FNTB: variants seen among roughly 807,000 people sequenced by gnomAD.
FNTB encodes the protein protein farnesyltransferase subunit beta.
A neutral mutation model predicts 59.4 loss-of-function variants in FNTB; 27 were observed. The ratio of observed to expected loss-of-function variants is 0.45; its 90% confidence interval spans 0.34 to 0.63. The LOEUF (loss-of-function observed/expected upper bound fraction) is 0.63. Ranked by LOEUF, FNTB falls within the 20% of genes least tolerant of loss-of-function variation. FNTB has a pLI of 0.02. For missense variants in FNTB, 449 were observed against 559.6 expected (o/e 0.80, Z 1.99); for synonymous variants, 230 against 220.7 (o/e 1.04, Z -0.37).
rs1007859957 is a variant in FNTB, at chr14:65,031,596, A to G, written c.606-1014A>G. On this transcript the variant is annotated intron_variant, in intron 6 of 11. Coordinates refer to ENST00000246166, the MANE Select transcript of FNTB (RefSeq NM_002028.4). This position sits in a 1 kb window ranked among gnomAD's most constrained non-coding sequence, Gnocchi z 4.6. ...CTCCCAAAGTGCTGGGATTACAGGC[A>G]TGAGCAACTGTGCCCAGCCTAATAA... 1.1e-4 allele frequency among the ~76,000 whole-genome samples: 17 copies of G among 151,834 alleles called. No individual in the cohort carries two copies. The highest frequency in any genetic ancestry group is 8.5e-4 in the Admixed American group (13 of 15,250).
rs1248546434 is a variant in FNTB, at chr14:65,054,490, C to A, written c.1068-85C>A. ...GGATGGGGGGGGACGTGTGATTGCA[C>A]CAGTGGTCTCTGAATTGGTGTGGCT... On this transcript the variant is annotated intron_variant, in intron 10 of 11. Coordinates refer to ENST00000246166, the MANE Select transcript of FNTB (RefSeq NM_002028.4). This position sits in a 1 kb window ranked among gnomAD's most constrained non-coding sequence, Gnocchi z 4.4. 3 of 1,356,466 alleles carry A rather than the reference C, an allele frequency of 2.2e-6. No individual in the cohort carries two copies. The highest frequency in any genetic ancestry group is 3.1e-6 in the Non-Finnish European group (3 of 978,948). The allele number at this position is 1,356,466 out of a possible 1,614,324, so 84.0% of individuals were successfully genotyped here.
At position 65,032,758 on chromosome 14, in the gene FNTB, GA is replaced by G. The variant is rs2139592606; in HGVS notation, c.692+67del. ...AGCAGGCGGTCACGACACTACTTCAGAAAAATAAAGAAAATGCAGAGGGACT... is the reference window on the plus strand; with the variant it reads ...AGCAGGCGGTCACGACACTACTTCAGAAAATAAAGAAAATGCAGAGGGACT... On this transcript the variant is annotated intron_variant, in intron 7 of 11. Coordinates refer to ENST00000246166, the MANE Select transcript of FNTB (RefSeq NM_002028.4). The surrounding 1 kb of genome is among the most constrained non-coding windows in gnomAD (Gnocchi z 5.0). 6 of 1,489,464 alleles carry G rather than the reference GA, an allele frequency of 4.0e-6. No homozygotes were observed. The highest frequency in any genetic ancestry group is 5.5e-6 in the Non-Finnish European group (6 of 1,100,414). The allele number at this position is 1,489,464 out of a possible 1,614,324, so 92.3% of individuals were successfully genotyped here.
At chr14:65,045,658 C>T (rs1372198548) in intron 9 of FNTB, among the ~76,000 whole-genome samples, 7 of 152,026 alleles carry the variant, frequency 4.6e-5, no homozygotes, top group South Asian at 2.1e-4. Context: ...TCAGGTGATC[C>T]GCCCACTTCG....
intron 3 of FNTB, among the ~76,000 whole-genome samples, chr14:65,015,171 C>T (rs1266172588): frequency 1.3e-5 from 2 of 151,138 alleles, no homozygotes; most frequent in African/African-American, 2.4e-5. Flanking sequence ...GGTGCCATCT[C>T]GGCTCACTGC....
In FNTB at chr14:64,997,168, T is replaced by C. The variant is rs779405038; in HGVS notation, c.145-7081T>C. ...TCTGCTAAGATGTAGGTGTAAAGGATAACCAGCGATTATTCCGGAGGTCAC... is the reference window on the plus strand; with the variant it reads ...TCTGCTAAGATGTAGGTGTAAAGGACAACCAGCGATTATTCCGGAGGTCAC... On this transcript the variant is annotated intron_variant, in intron 1 of 11. Coordinates refer to ENST00000246166, the MANE Select transcript of FNTB (RefSeq NM_002028.4). This position sits in a 1 kb window ranked among gnomAD's most constrained non-coding sequence, Gnocchi z 4.5. 3.9e-5 allele frequency among the ~76,000 whole-genome samples: 6 copies of C among 152,318 alleles called. No individual in the cohort carries two copies. The East Asian group carries it at 1.2e-3, about 29-fold the overall frequency.
intron 7 of FNTB, among the ~76,000 whole-genome samples, chr14:65,033,508 G>A (rs1448291383): frequency 6.6e-6 from 1 of 152,172 alleles, no homozygotes; most frequent in African/African-American, 2.4e-5. Context: ...TTAGATACGT[G>A]TATGTTCTAT....
intron 2 of FNTB, among the ~76,000 whole-genome samples, chr14:65,004,693 G>T (rs147575704): frequency 6.6e-6 from 1 of 151,048 alleles, no homozygotes; most frequent in Admixed American, 6.6e-5. Flanking sequence ...ACAGCGTTTC[G>T]CTCTTGTTGC....
At chr14:64,996,016 A>C (rs1888379295) in intron 1 of FNTB, among the ~76,000 whole-genome samples, 1 of 151,228 alleles carries the variant, frequency 6.6e-6, no homozygotes, top group Non-Finnish European at 1.5e-5. Flanking sequence ...CCAGCTACTC[A>C]GGAGGCTGAG....
chr14:64,999,582 G>GA (rs1385597221), intron 1 of FNTB, among the ~76,000 whole-genome samples: 4 of 152,138 alleles, frequency 2.6e-5, no homozygotes, highest in Admixed American at 6.5e-5. Flanking sequence ...GAATATGCTA[G>GA]AAGTCATTGA....
chr14:65,048,288 T>G (rs1287262571), intron 9 of FNTB, among the ~76,000 whole-genome samples: 1 of 151,964 alleles, frequency 6.6e-6, no homozygotes, highest in Non-Finnish European at 1.5e-5. Context: ...TGGCCAACTT[T>G]TTAGATTTTC....
chr14:65,040,672 G>T, intron 7 of FNTB, 118 bp from the exon 8 acceptor site: 2 of 897,228 alleles, frequency 2.2e-6, no homozygotes, highest in Non-Finnish European at 2.9e-6. Flanking sequence ...TTCATTCATA[G>T]TTGTGATGGT....
intron 1 of FNTB, among the ~76,000 whole-genome samples, chr14:65,002,302 C>T (rs1401737681): frequency 6.6e-6 from 1 of 152,214 alleles, no homozygotes; most frequent in Non-Finnish European, 1.5e-5. Context: ...CTGATGCACT[C>T]AGCAAGTCAA....
chr14:65,033,258 C>G (rs771576492), intron 7 of FNTB, among the ~76,000 whole-genome samples: 3 of 152,170 alleles, frequency 2.0e-5, no homozygotes, highest in Non-Finnish European at 2.9e-5. Context: ...AAAAACCATA[C>G]AGATTAGCAC....
At position 64,999,524 on chromosome 14, in the gene FNTB, G is replaced by A. The variant is rs373605003; in HGVS notation, c.145-4725G>A. On this transcript the variant is annotated intron_variant, in intron 1 of 11. Coordinates refer to ENST00000246166, the MANE Select transcript of FNTB (RefSeq NM_002028.4). Reference sequence around the variant, plus strand: ...TTAAGAGGTGGGGGGTTACTTTTCAGGGGAGTGAAATGTTCTAAAATTGAT... The same window carrying A: ...TTAAGAGGTGGGGGGTTACTTTTCAAGGGAGTGAAATGTTCTAAAATTGAT... Among the ~76,000 whole-genome samples, 228 of 152,284 alleles carry A rather than the reference G, an allele frequency of 1.5e-3. 1 individual carries two copies. The highest frequency in any genetic ancestry group is 5.3e-3 in the African/African-American group (220 of 41,568).
chr14:65,040,483 C>T lies in FNTB; in HGVS notation c.693-307C>T, dbSNP rs118020429. ...GGAGACCTAGTCTCACTCTTTCACC[C>T]GGGCTGGAGCACAATGGTGTGATCA... is the stretch of plus-strand genomic sequence containing the variant. On this transcript the variant is annotated intron_variant, in intron 7 of 11. Transcript: ENST00000246166. 9.6e-3 allele frequency among the ~76,000 whole-genome samples: 1,462 copies of T among 151,934 alleles called. 44 individuals carry two copies. The East Asian group carries it at 0.12, about 13-fold the overall frequency.
intron 1 of FNTB, among the ~76,000 whole-genome samples, chr14:64,995,725 T>TTA (rs1277339624): frequency 1.3e-5 from 2 of 150,276 alleles, no homozygotes; most frequent in East Asian, 3.9e-4. Flanking sequence ...TGTATATATT[T>TTA]TATATATATA....
rs563468928 is a variant in FNTB, at chr14:65,031,979, CGTGT to C, written c.606-594_606-591del. On this transcript the variant is annotated intron_variant, in intron 6 of 11. Transcript: ENST00000246166. The surrounding 1 kb of genome is among the most constrained non-coding windows in gnomAD (Gnocchi z 4.6). ...ATAGACGTGCGCCTTTTTCATTTAA[CGTGT>C]GTGTGTGTGTGTGTGTGTGTGTGTG... 0.016 allele frequency among the ~76,000 whole-genome samples: 2,283 copies of C among 141,216 alleles called. 21 individuals carry two copies. The highest frequency in any genetic ancestry group is 0.019 in the Admixed American group (268 of 14,176). 92.6% of individuals were successfully genotyped at this position (141,216 alleles called of 152,430 possible).
At position 65,012,284 on chromosome 14, in the gene FNTB, T is replaced by G; in HGVS notation, c.210-33T>G. On this transcript the variant is annotated intron_variant, in intron 2 of 11. Coordinates refer to ENST00000246166, the MANE Select transcript of FNTB (RefSeq NM_002028.4). The surrounding 1 kb of genome is among the most constrained non-coding windows in gnomAD (Gnocchi z 5.0). The stretch of plus-strand genomic sequence containing the variant: ...TGTGTATGGTGGAAGCATAAGCTAT[T>G]AGAATGGGCTTATAAACTGTTTGTC... 6.2e-7 allele frequency: 1 copy of G among 1,613,606 alleles called. No homozygotes were observed.
chr14:65,046,009 C>T lies in FNTB; in HGVS notation c.955+1566C>T, dbSNP rs563271309. On this transcript the variant is annotated intron_variant, in intron 9 of 11. Transcript: ENST00000246166. ...ATTTTAGTATTATTTTTTTTTGAGA[C>T]GGAGTTTCACTCTTGTTGCCCAGGC... is the stretch of plus-strand genomic sequence containing the variant. Among the ~76,000 whole-genome samples, 40 of 152,084 alleles carry T rather than the reference C, an allele frequency of 2.6e-4. 1 individual carries two copies. In the South Asian group the frequency reaches 5.0e-3, roughly 19 times the overall value.
Sources: allele counts gnomAD v4.1 joint callset (sites outside exome capture counted in the v4.1 genomes callset), GRCh38; gene constraint gnomAD v4.1.1; non-coding constraint Gnocchi (gnomAD v3.1); transcripts MANE v1.5; gene names NCBI Gene and HGNC (gene_info 2026-07-23, HGNC 2026-07-21).